The following TIAM2 variants were observed in gnomAD, a reference collection of about 807,000 sequenced individuals.
The protein encoded by TIAM2 is rho guanine nucleotide exchange factor TIAM2.
In TIAM2, 80 loss-of-function variants were observed where a neutral mutation model predicts 152.9. The ratio of observed to expected loss-of-function variants is 0.52; its 90% CI spans 0.44 to 0.63. TIAM2 has a LOEUF of 0.63. TIAM2 is among the 30% of genes least tolerant of loss of function. The pLI is 0.00. For missense variants in TIAM2, 1,965 were observed against 2,120.1 expected (o/e 0.93, Z 1.44); for synonymous variants, 804 against 838.0 (o/e 0.96, Z 0.70).
intron 1 of TIAM2, among the ~76,000 whole-genome samples, chr6:155,054,486 A>G (rs1777395525): frequency 6.6e-6 from 1 of 152,216 alleles, no homozygotes. Flanking sequence ...AGAAAGAAGA[A>G]AGGGAATTGG....
intron 1 of TIAM2, among the ~76,000 whole-genome samples, chr6:155,029,438 T>TACTATAGTATATATAATA: frequency 3.1e-5 from 1 of 32,176 alleles, no homozygotes; most frequent in South Asian, 1.1e-3. Flanking sequence ...ATAGTATATA[T>TACTATAGTATATATAATA]TATACTATAG....
At chr6:155,029,742 C>CTATATATATATA (rs60980296) in intron 1 of TIAM2, among the ~76,000 whole-genome samples, 12 of 126,582 alleles carry the variant, frequency 9.5e-5, no homozygotes, top group African/African-American at 3.6e-4. Context: ...TAGTATATAA[C>CTATATATATATA]TATATATATA....
chr6:155,252,119 C>A, intron 23 of TIAM2, 116 bp downstream of exon 23: 1 of 717,480 alleles, frequency 1.4e-6, no homozygotes. Flanking sequence ...ACTGCTTACT[C>A]TGAGGGTAAC....
At position 155,029,699 on chromosome 6, in the gene TIAM2, A is replaced by T. The variant is rs58984396; in HGVS notation, c.-209+34207A>T. On this transcript the variant is annotated intron_variant, in intron 1 of 26. Transcript: ENST00000682666. ...CAGAGTTATATAACTATATATAGAG[A>T]TATATAACTATATACAGAGTTATAT... 9.9e-3 allele frequency among the ~76,000 whole-genome samples: 1,372 copies of T among 138,570 alleles called. 30 individuals are homozygous for T. Among genetic ancestry groups the T allele is most frequent in the African/African-American group, 0.034 (1,270 of 37,502 alleles). 90.9% of individuals were successfully genotyped at this position (138,570 alleles called of 152,430 possible). A position where few individuals can be genotyped will look rare whatever the true frequency, so the allele number is the denominator to read the frequency against.
intron 1 of TIAM2, among the ~76,000 whole-genome samples, chr6:155,060,844 G>A (rs929950282): frequency 6.6e-6 from 1 of 152,220 alleles, no homozygotes; most frequent in Non-Finnish European, 1.5e-5. Flanking sequence ...GCAGTGAGCC[G>A]AGATCGTGCC....
At chr6:155,059,294 CTGTGTGTGTGTGTGTGTGTGTG>C (rs56013145) in intron 1 of TIAM2, among the ~76,000 whole-genome samples, 1 of 117,212 alleles carries the variant, frequency 8.5e-6, no homozygotes, top group Non-Finnish European at 1.9e-5. Context: ...GTGTGTGTGT[CTGTGTGTGTGTGTGTGTGTGTG>C]TGTGTGTGTG....
At position 155,256,777 on chromosome 6, in the gene TIAM2, A is replaced by G. The variant is rs753044426; in HGVS notation, c.4762A>G (p.Ile1588Val). The change falls in exon 27 of 27, where the codon ATC becomes GTC. Residue 1588 changes from isoleucine (I) to valine (V), a missense_variant. By Grantham distance (29) the Ile-to-Val change is conservative. This residue lies in a region of TIAM2 where 935 missense variants were observed against 980.0 expected (regional missense o/e 0.95). Coordinates refer to ENST00000682666, the MANE Select transcript of TIAM2 (RefSeq NM_012454.4). ...TVKQGSPTKDIEIQFQRLRIS... is the reference protein window; with the variant it reads ...TVKQGSPTKDVEIQFQRLRIS... ...GAAGCAGGGCAGCCCTACTAAAGAC[A>G]TCGAAATTCAGTTCCAGAGACTGAG... The G allele has an allele frequency of 6.2e-7, 1 of 1,614,220 alleles. No individual in the cohort carries two copies. Among genetic ancestry groups the G allele is most frequent in the Non-Finnish European group, 8.5e-7 (1 of 1,180,040 alleles).
intron 7 of TIAM2, among the ~76,000 whole-genome samples, chr6:155,149,919 T>TA (rs11306248): frequency 0.022 from 2,927 of 133,980 alleles, 52 homozygotes; most frequent in African/African-American, 0.025. Flanking sequence ...AGACTCTGTA[T>TA]AAAAAAAAAA....
chr6:155,247,213 G>A (rs1274599253), intron 19 of TIAM2, among the ~76,000 whole-genome samples: 1 of 152,228 alleles, frequency 6.6e-6, no homozygotes, highest in Non-Finnish European at 1.5e-5. Context: ...TAAGTGTACA[G>A]AATACAAATA....
At chr6:155,034,828 A>G (rs1322692039) in intron 1 of TIAM2, among the ~76,000 whole-genome samples, 3 of 152,270 alleles carry the variant, frequency 2.0e-5, no homozygotes, top group Non-Finnish European at 2.9e-5. Context: ...AATGCATTCA[A>G]TTTTCACCAT....
intron 2 of TIAM2, among the ~76,000 whole-genome samples, chr6:155,100,156 C>T (rs1158129666): frequency 1.3e-5 from 2 of 152,278 alleles, no homozygotes; most frequent in African/African-American, 2.4e-5. Context: ...CTTTTGACTG[C>T]GTATGATCAT....
chr6:155,216,295 A>G (rs1292988504), intron 15 of TIAM2, among the ~76,000 whole-genome samples: 12 of 152,082 alleles, frequency 7.9e-5, no homozygotes, highest in Admixed American at 5.9e-4. Flanking sequence ...TGGTCTTCTC[A>G]GGGGTCATTA....
In TIAM2 at chr6:155,032,430, C is replaced by T. The variant is rs115511336; in HGVS notation, c.-209+36938C>T. On this transcript the variant is annotated intron_variant, in intron 1 of 26. Coordinates refer to ENST00000682666, the MANE Select transcript of TIAM2 (RefSeq NM_012454.4). ...CTGTCCACACAAGCATCACATCAAA[C>T]GGGGAATTGAGGCATCTGTCAAAAG... Among the ~76,000 whole-genome samples the T allele has an allele frequency of 3.1e-3, 473 of 152,266 alleles. 2 individuals are homozygous for T. The highest frequency in any genetic ancestry group is 0.011 in the African/African-American group (443 of 41,532).
At chr6:155,025,587 G>A (rs1356882926) in intron 1 of TIAM2, among the ~76,000 whole-genome samples, 1 of 151,912 alleles carries the variant, frequency 6.6e-6, no homozygotes, top group Non-Finnish European at 1.5e-5. Flanking sequence ...CTAAAGTGCT[G>A]GGATTACAGG....
In TIAM2 at chr6:155,257,587, T is replaced by G. The variant is rs925216100; in HGVS notation, c.*466T>G. The G allele has an allele frequency of 2.4e-4, 111 of 460,404 alleles. No homozygotes were observed. Among genetic ancestry groups the G allele is most frequent in the South Asian group, 4.9e-4 (17 of 35,022 alleles). The allele number at this position is 460,404 out of a possible 1,614,324, so 28.5% of individuals were successfully genotyped here. ...AGATACTTCATTTTTGTAAGATAGA[T>G]TGTAATAGATGCTGTTTATACTAAA... On this transcript the variant is annotated 3_prime_UTR_variant, in exon 27 of 27. Transcript: ENST00000682666.
At chr6:155,094,824 C>T (rs113912184) in intron 2 of TIAM2, among the ~76,000 whole-genome samples, 2 of 150,694 alleles carry the variant, frequency 1.3e-5, no homozygotes, top group African/African-American at 4.9e-5. Flanking sequence ...CTCAAGTGAT[C>T]CGCCCGCGTC....
intron 1 of TIAM2, among the ~76,000 whole-genome samples, chr6:155,085,853 G>A (rs1778161034): frequency 6.6e-6 from 1 of 152,226 alleles, no homozygotes; most frequent in African/African-American, 2.4e-5. Context: ...TGTGCTGTGA[G>A]AGATACAAGC....
chr6:155,027,439 AATAT>A (rs1776631965), intron 1 of TIAM2, among the ~76,000 whole-genome samples: 1 of 92,356 alleles, frequency 1.1e-5, no homozygotes. Context: ...TACTATATAT[AATAT>A]ATATACTGTG....
intron 1 of TIAM2, chr6:155,016,430 T>C (rs557545011): frequency 1.3e-5 from 2 of 150,904 alleles, no homozygotes; most frequent in East Asian, 1.9e-4. Context: ...ATTGTGTAGA[T>C]GTTAATGGTG....
Sources: gnomAD v4.1 joint callset for allele counts (sites outside exome capture counted in the v4.1 genomes callset) on GRCh38, gnomAD v4.1.1 for gene constraint, gnomAD v4.1.1 regional missense constraint, MANE v1.5 for transcripts, NCBI Gene and HGNC (gene_info 2026-07-23, HGNC 2026-07-21) for gene names.